The following VPS35 variants were observed in gnomAD, a reference collection of about 807,000 sequenced individuals.
VPS35 encodes the protein VPS35 retromer complex component.
A neutral mutation model predicts 98.1 loss-of-function variants in VPS35; 21 were observed. The observed-to-expected ratio is 0.21, with a 90% CI of 0.15 to 0.31. VPS35 has a LOEUF of 0.31. VPS35 is among the 10% of genes least tolerant of loss of function. The pLI, the probability that VPS35 is intolerant of heterozygous loss-of-function variation, is 1.00. For synonymous variants in VPS35, 268 were observed against 318.2 expected (o/e 0.84, Z 1.68); for missense variants, 554 against 950.8 (o/e 0.58, Z 5.49).
chr16:46,677,187 C>A, intron 7 of VPS35, 128 bp downstream of exon 7: 2 of 863,100 alleles, frequency 2.3e-6, no homozygotes, highest in South Asian at 1.5e-5. Flanking sequence ...TGAGTCACCA[C>A]ACCCCGCAAG....
At chr16:46,671,661 T>G in intron 12 of VPS35, 44 bp downstream of exon 12, 1 of 1,612,978 alleles carries the variant, frequency 6.2e-7, no homozygotes, top group Admixed American at 1.7e-5. Flanking sequence ...ACATGTGATT[T>G]CACTAGGAGC....
intron 12 of VPS35, among the ~76,000 whole-genome samples, chr16:46,669,758 T>C (rs987980182): frequency 1.1e-4 from 16 of 152,170 alleles, no homozygotes; most frequent in Admixed American, 6.5e-5. Context: ...CTAATACTTA[T>C]TACATGTGTG....
At chr16:46,684,164 C>T (rs1225307952) in intron 1 of VPS35, among the ~76,000 whole-genome samples, 2 of 152,180 alleles carry the variant, frequency 1.3e-5, no homozygotes, top group East Asian at 3.8e-4. Context: ...CTCAAAGAAA[C>T]TTGCAGTGGT....
At chr16:46,670,075 C>T (rs1298267276) in intron 12 of VPS35, among the ~76,000 whole-genome samples, 3 of 151,906 alleles carry the variant, frequency 2.0e-5, no homozygotes, top group Non-Finnish European at 4.4e-5. Flanking sequence ...TGAAATGGCA[C>T]AACATATAGC....
intron 13 of VPS35, among the ~76,000 whole-genome samples, chr16:46,665,315 T>C (rs1484204893): frequency 6.6e-6 from 1 of 152,234 alleles, no homozygotes. Context: ...GGCGACAGGC[T>C]GGGCATGGTG....
Position 46,660,587 on chromosome 16 carries a change from G to T in VPS35, c.2276C>A (p.Ser759Tyr), listed in dbSNP as rs1269753569. The T allele has an allele frequency of 6.2e-7, 1 of 1,614,042 alleles. No individual in the cohort carries two copies. Among genetic ancestry groups the T allele is most frequent in the Non-Finnish European group, 8.5e-7 (1 of 1,180,008 alleles). The change falls in exon 17 of 17, where the codon TCC becomes TAC. Residue 759 changes from serine to tyrosine, a missense_variant. Physicochemically the swap from Ser to Tyr is moderately radical, Grantham distance 144. This residue lies in a region of VPS35 where 153 missense variants were observed against 211.0 expected (regional missense o/e 0.73). Transcript: ENST00000299138. Reference sequence around the variant, plus strand: ...GTTAATCTGCTCTGTTTCTTCACTGGATTCAAGATTCGGGAGGTCTTCTCG... The same window carrying T: ...GTTAATCTGCTCTGTTTCTTCACTGTATTCAAGATTCGGGAGGTCTTCTCG... ...KIREDLPNLE[S>Y]SEETEQINKH...
At position 46,682,137 on chromosome 16, in the gene VPS35, A is replaced by C. The variant is rs1966245114; in HGVS notation, c.141T>G (p.Ser47=). 6.2e-7 allele frequency: 1 copy of C among 1,613,568 alleles called. No individual in the cohort carries two copies. Among genetic ancestry groups the C allele is most frequent in the African/African-American group, 1.3e-5 (1 of 74,928 alleles). ...NKLMDALKHA[S]NMLGELRTSM... Reference sequence around the variant, plus strand: ...AAGTCCGGAGTTCACCAAGCATATTAGAAGCATGTTTTAGAGCATCCATAA... The same window carrying C: ...AAGTCCGGAGTTCACCAAGCATATTCGAAGCATGTTTTAGAGCATCCATAA... The change falls in exon 3 of 17, where the codon TCT becomes TCG. Residue 47 remains serine (S), a synonymous_variant. Transcript: ENST00000299138.
chr16:46,672,228 ACT>A lies in VPS35; in HGVS notation c.1368+35_1368+36del, dbSNP rs757800220. ...TAGGTCCAAAGTCTAAAATTGTAAC[ACT>A]GTTTCCCTAAAATAGCACGTAGGTA... On this transcript the variant is annotated intron_variant, in intron 11 of 16. Transcript: ENST00000299138. The A allele has an allele frequency of 3.8e-6, 6 of 1,586,344 alleles. No individual in the cohort carries two copies. The South Asian group carries it at 5.5e-5, about 15-fold the overall frequency.
At chr16:46,663,585 G>C (rs1238664022) in intron 13 of VPS35, among the ~76,000 whole-genome samples, 1 of 152,032 alleles carries the variant, frequency 6.6e-6, no homozygotes, top group Non-Finnish European at 1.5e-5. Context: ...TTCACCAAGT[G>C]GGGCGGGGTT....
At chr16:46,674,288 T>C (rs1966110409) in intron 10 of VPS35, 26 bp downstream of exon 10, 1 of 1,612,952 alleles carries the variant, frequency 6.2e-7, no homozygotes, top group South Asian at 1.1e-5. Flanking sequence ...TCTTTGAGGA[T>C]TTTTACAAAA....
chr16:46,688,499 G>A, intron 1 of VPS35: 1 of 987,852 alleles, frequency 1.0e-6, no homozygotes, highest in Non-Finnish European at 1.2e-6. Context: ...ATGCACAAAT[G>A]CTAAAGTAAA....
rs1179570415 is a variant in VPS35, at chr16:46,669,059, CA to C, written c.1525-8del. 2 of 1,613,578 alleles carry C rather than the reference CA, an allele frequency of 1.2e-6. No individual in the cohort carries two copies. The highest frequency in any genetic ancestry group is 2.2e-5 in the South Asian group (2 of 91,058). ...TTCGTGCTGTGTTCAAAATCTGACC[CA>C]AAAGCATTAAAGAAAAAAAAATTTC... On this transcript the variant is annotated splice_polypyrimidine_tract_variant and splice_region_variant and intron_variant, in intron 12 of 16. Transcript: ENST00000299138.
At chr16:46,685,661 C>A (rs1414258761) in intron 1 of VPS35, among the ~76,000 whole-genome samples, 1 of 152,144 alleles carries the variant, frequency 6.6e-6, no homozygotes, top group Non-Finnish European at 1.5e-5. Context: ...AAGACTCTGA[C>A]TTAATGAAAT....
chr16:46,672,276 A>T lies in VPS35; in HGVS notation c.1357T>A (p.Ser453Thr), dbSNP rs1234980788. The change falls in exon 11 of 17, where the codon TCT (serine) becomes ACT (threonine). Residue 453 changes from serine (S) to threonine (T), a missense_variant. Physicochemically the swap from Ser to Thr is moderately conservative, Grantham distance 58. Transcript: ENST00000299138. ...AGGTATTCTCTTACCTGGTCTTGAG[A>T]GACAATTTCTGTGTTATAATCCAGA... ...NVLDYNTEIV[S>T]QDQVDSIMNL... 1 of 1,613,552 alleles carries T rather than the reference A, an allele frequency of 6.2e-7. No homozygotes were observed. Among genetic ancestry groups the T allele is most frequent in the Non-Finnish European group, 8.5e-7 (1 of 1,179,800 alleles).
rs1357925954 is a variant in VPS35 at position 46,661,535 on chromosome 16, A to C, written c.2211+183T>G. 1.6e-6 allele frequency: 1 copy of C among 635,962 alleles called. No homozygotes were observed. The highest frequency in any genetic ancestry group is 2.6e-6 in the Non-Finnish European group (1 of 391,316). 39.4% of individuals were successfully genotyped at this position (635,962 alleles called of 1,614,324 possible). A position where few individuals can be genotyped will look rare whatever the true frequency, so the allele number is the denominator to read the frequency against. On this transcript the variant is annotated intron_variant, in intron 16 of 16. Coordinates refer to ENST00000299138, the MANE Select transcript of VPS35 (RefSeq NM_018206.6). This position sits in a 1 kb window ranked among gnomAD's most constrained non-coding sequence, Gnocchi z 4.3. ...ATGAGCCACCACGCCCAGCCTAGGA[A>C]TTATCTTAAACTAGAACATTATGAC...
chr16:46,667,826 T>C (rs1966011207), intron 13 of VPS35, among the ~76,000 whole-genome samples: 1 of 152,214 alleles, frequency 6.6e-6, no homozygotes, highest in South Asian at 2.1e-4. Context: ...GATTAGTTTA[T>C]TGCATATGTG....
rs1191895214 is a variant in VPS35, at chr16:46,656,565, A to G, written c.*3907T>C. 1 of 152,210 alleles carries G rather than the reference A, an allele frequency of 6.6e-6. No homozygotes were observed. Among genetic ancestry groups the G allele is most frequent in the Non-Finnish European group, 1.5e-5 (1 of 68,032 alleles). The allele number at this position is 152,210 out of a possible 1,614,324, so 9.4% of individuals were successfully genotyped here. On this transcript the variant is annotated 3_prime_UTR_variant, in exon 17 of 17. Coordinates refer to ENST00000299138, the MANE Select transcript of VPS35 (RefSeq NM_018206.6). ...AGTTTGACTCTCAAACACAATTGATAATACCCCTTTCCCAGCAGTTATGAA... is the reference window on the plus strand; with the variant it reads ...AGTTTGACTCTCAAACACAATTGATGATACCCCTTTCCCAGCAGTTATGAA...
chr16:46,670,188 G>A (rs1966047768), intron 12 of VPS35, among the ~76,000 whole-genome samples: 1 of 152,184 alleles, frequency 6.6e-6, no homozygotes, highest in African/African-American at 2.4e-5. Flanking sequence ...TATGGTAGAT[G>A]AATAAGAGAA....
intron 2 of VPS35, chr16:46,682,510 G>A (rs1567269323): frequency 3.4e-6 from 1 of 291,928 alleles, no homozygotes; most frequent in East Asian, 8.0e-5. Context: ...ACTGATTCAG[G>A]TGAAGGAAGA....
Sources: allele counts gnomAD v4.1 joint callset (sites outside exome capture counted in the v4.1 genomes callset), GRCh38; gene constraint gnomAD v4.1.1; regional missense constraint gnomAD v4.1.1; non-coding constraint Gnocchi (gnomAD v3.1); transcripts MANE v1.5; gene names NCBI Gene and HGNC (gene_info 2026-07-23, HGNC 2026-07-21).